The following DLG2 variants were observed in gnomAD, a reference collection of about 807,000 sequenced individuals.
DLG2 encodes the protein discs large MAGUK scaffold protein 2.
A neutral mutation model predicts 132.5 loss-of-function variants in DLG2; 45 were observed. The ratio of observed to expected loss-of-function variants is 0.34; its 90% confidence interval spans 0.27 to 0.44. The LOEUF (loss-of-function observed/expected upper bound fraction) is 0.44, where lower values mean the gene tolerates loss of function less well. DLG2 is among the 20% of genes least tolerant of loss of function. DLG2 has a pLI of 1.00. For missense variants in DLG2, 1,045 were observed against 1,196.9 expected (o/e 0.87, Z 1.87); for synonymous variants, 424 against 419.6 (o/e 1.01, Z -0.13).
rs1404706305 is a variant in DLG2, at chr11:84,856,040, T to C, written c.357+255621A>G. Among the ~76,000 whole-genome samples the C allele has an allele frequency of 3.3e-5, 5 of 151,978 alleles. No individual in the cohort carries two copies. In the South Asian group the frequency reaches 8.3e-4, roughly 25 times the overall value. ...CCTGAAATGGTCACAGAGGGTTGCA[T>C]AAAAAATTCCAATTGCAAGGGCCTT... On this transcript the variant is annotated intron_variant, in intron 6 of 27. Coordinates refer to ENST00000376104, the MANE Select transcript of DLG2 (RefSeq NM_001142699.3).
chr11:84,601,309 G>A (rs1390895035), intron 6 of DLG2, among the ~76,000 whole-genome samples: 1 of 152,010 alleles, frequency 6.6e-6, no homozygotes, highest in African/African-American at 2.4e-5. Context: ...CAATAATAAA[G>A]ATAGGCATCA....
At chr11:84,523,492 T>G (rs2099310792) in intron 7 of DLG2, among the ~76,000 whole-genome samples, 1 of 152,180 alleles carries the variant, frequency 6.6e-6, no homozygotes, top group African/African-American at 2.4e-5. Flanking sequence ...CAGAATTAAT[T>G]TTTGCAGAGT....
intron 18 of DLG2, among the ~76,000 whole-genome samples, chr11:83,635,244 T>C (rs567551644): frequency 3.0e-4 from 45 of 152,222 alleles, no homozygotes; most frequent in Non-Finnish European, 5.7e-4. Context: ...CTGTCTTTAT[T>C]TAAAATTAAG....
At chr11:85,340,125 A>G (rs2082384649) in intron 3 of DLG2, among the ~76,000 whole-genome samples, 1 of 152,214 alleles carries the variant, frequency 6.6e-6, no homozygotes, top group South Asian at 2.1e-4. Flanking sequence ...TTGACCCAGC[A>G]ATCCCATTAC....
chr11:85,410,881 G>T (rs996340181), intron 3 of DLG2, among the ~76,000 whole-genome samples: 3 of 151,720 alleles, frequency 2.0e-5, no homozygotes, highest in Admixed American at 6.6e-5. Context: ...CAATTATCTG[G>T]AGTAGGTCGA....
At chr11:85,254,464 A>G (rs922130922) in intron 4 of DLG2, among the ~76,000 whole-genome samples, 1 of 152,154 alleles carries the variant, frequency 6.6e-6, no homozygotes, top group African/African-American at 2.4e-5. Flanking sequence ...TTGCTTTTTC[A>G]TTCTGTTTTT....
At chr11:83,927,206 T>C (rs1270967686) in intron 15 of DLG2, among the ~76,000 whole-genome samples, 1 of 152,200 alleles carries the variant, frequency 6.6e-6, no homozygotes, top group Non-Finnish European at 1.5e-5. Context: ...GAGCTCCTGC[T>C]AGCCAGATAC....
intron 10 of DLG2, among the ~76,000 whole-genome samples, chr11:84,090,275 G>C (rs542736375): frequency 6.6e-6 from 1 of 151,824 alleles, no homozygotes; most frequent in Non-Finnish European, 1.5e-5. Flanking sequence ...TTAGCTGGGC[G>C]TGGTAGCAGG....
At chr11:83,874,518 C>CATTT (rs1257775558) in intron 15 of DLG2, 30 bp from the exon 16 acceptor site, 3 of 1,526,734 alleles carry the variant, frequency 2.0e-6, no homozygotes, top group Non-Finnish European at 2.6e-6. Context: ...AAACACACAT[C>CATTT]ATTTATTTAT....
Position 83,459,905 on chromosome 11 carries a change from A to C in DLG2, c.2841T>G (p.Thr947=). The change falls in exon 28 of 28, where the codon ACT becomes ACG. Residue 947 remains threonine (T), a synonymous_variant. Coordinates refer to ENST00000376104, the MANE Select transcript of DLG2 (RefSeq NM_001142699.3). ...TGCATTGGTTATATATATCTTCTAA[A>C]GTATCTCCTTGGACAATAGCTGTAA... ...EYFTAIVQGD[T]LEDIYNQCKL... The C allele has an allele frequency of 6.2e-7, 1 of 1,600,102 alleles. No individual in the cohort carries two copies. Among genetic ancestry groups the C allele is most frequent in the Non-Finnish European group, 8.6e-7 (1 of 1,167,468 alleles).
At chr11:85,476,411 C>T (rs79056912) in intron 3 of DLG2, among the ~76,000 whole-genome samples, 2,611 of 152,092 alleles carry the variant, frequency 0.017, 36 homozygotes, top group South Asian at 0.035. Context: ...TGTACACTTA[C>T]GCTACATTAA....
intron 6 of DLG2, among the ~76,000 whole-genome samples, chr11:84,891,928 A>C (rs777113627): frequency 6.6e-5 from 10 of 152,104 alleles, no homozygotes; most frequent in Non-Finnish European, 1.3e-4. Context: ...TTCTCAAACC[A>C]TGTTTTGTGG....
At chr11:84,426,771 T>C (rs1344148299) in intron 7 of DLG2, among the ~76,000 whole-genome samples, 4 of 152,118 alleles carry the variant, frequency 2.6e-5, no homozygotes, top group African/African-American at 9.7e-5. Flanking sequence ...CTTGAGTCAT[T>C]CAGCACATAA....
Position 85,563,070 on chromosome 11 carries a change from CTGTA to C in DLG2, c.40+35583_40+35586del, listed in dbSNP as rs2077342844. ...AGCACCTGTTGTGGGTATTAAAAGGCTGTATGCCATAATGGAAAGAGGACAGACA... is the reference window on the plus strand; with the variant it reads ...AGCACCTGTTGTGGGTATTAAAAGGCTGCCATAATGGAAAGAGGACAGACA... On this transcript the variant is annotated intron_variant, in intron 3 of 27. Transcript: ENST00000376104. 9.2e-5 allele frequency among the ~76,000 whole-genome samples: 14 copies of C among 151,750 alleles called. 1 individual carries two copies. In the South Asian group the frequency reaches 2.9e-3, roughly 32 times the overall value.
chr11:84,982,138 T>G (rs2055844672), intron 6 of DLG2, among the ~76,000 whole-genome samples: 3 of 152,254 alleles, frequency 2.0e-5, no homozygotes, highest in East Asian at 3.9e-4. Flanking sequence ...ACCTATTTAG[T>G]CCACCAAGCT....
At chr11:84,022,442 G>C (rs1479977881) in intron 11 of DLG2, among the ~76,000 whole-genome samples, 2 of 152,112 alleles carry the variant, frequency 1.3e-5, no homozygotes, top group East Asian at 3.9e-4. Context: ...AACACAGGAG[G>C]AAGTGTTGCA....
chr11:85,151,287 G>A (rs1202255106), intron 5 of DLG2, among the ~76,000 whole-genome samples: 1 of 152,034 alleles, frequency 6.6e-6, no homozygotes, highest in African/African-American at 2.4e-5. Context: ...TATATGATTT[G>A]CAAATACTTC....
At chr11:84,175,382 T>G (rs2095933480) in intron 8 of DLG2, among the ~76,000 whole-genome samples, 1 of 152,138 alleles carries the variant, frequency 6.6e-6, no homozygotes, top group Admixed American at 6.6e-5. Flanking sequence ...CATTATAAAT[T>G]GTTATTAAAG....
intron 11 of DLG2, among the ~76,000 whole-genome samples, chr11:84,001,561 A>G (rs996200466): frequency 6.6e-6 from 1 of 152,158 alleles, no homozygotes; most frequent in Non-Finnish European, 1.5e-5. Flanking sequence ...AAAATTAACA[A>G]AGAAACATTA....
Sources: gnomAD v4.1 joint callset for allele counts (sites outside exome capture counted in the v4.1 genomes callset) on GRCh38, gnomAD v4.1.1 for gene constraint, MANE v1.5 for transcripts, NCBI Gene and HGNC (gene_info 2026-07-23, HGNC 2026-07-21) for gene names.